EXPH5: variants seen among roughly 807,000 people sequenced by gnomAD.
The protein encoded by EXPH5 is exophilin 5.
In EXPH5, 42 loss-of-function variants were observed where a neutral mutation model predicts 41.1. The ratio of observed to expected loss-of-function variants is 1.02; its 90% CI spans 0.80 to 1.32. The LOEUF (loss-of-function observed/expected upper bound fraction) is 1.32. Ranked by LOEUF, EXPH5 falls within the 40% of genes most tolerant of loss-of-function variation. The pLI is 0.00. For synonymous variants in EXPH5, 798 were observed against 833.5 expected, an observed-to-expected ratio of 0.96 and a Z score of 0.73; for missense variants, 2,298 against 2,314.5, an observed-to-expected ratio of 0.99 and a Z score of 0.15.
At chr11:108,594,871 A>G (rs1228229625), upstream of EXPH5, among the ~76,000 whole-genome samples, 6 of 152,250 alleles carry the variant, frequency 3.9e-5, no homozygotes, top group Non-Finnish European at 7.3e-5. Context: ...GATCATCATT[A>G]TTTAAAACAT....
chr11:108,513,230 A>T lies in EXPH5; in HGVS notation c.2277T>A (p.Asn759Lys). Residue 759 changes from asparagine (N) to lysine (K), a missense_variant, in exon 6 of 6, where the codon AAT becomes AAA. Asn to Lys is a moderately conservative substitution (Grantham distance 94). Coordinates refer to ENST00000265843, the MANE Select transcript of EXPH5 (RefSeq NM_015065.3). ...TTTTTGAACTTATTATGGTAGATGC[A>T]TTAAAACCAAACCCGTTGCTCTTGG... is the stretch of plus-strand genomic sequence containing the variant. ...DSAKSNGFGFNASTIISSKKS... is the reference protein window; with the variant it reads ...DSAKSNGFGFKASTIISSKKS... 1 of 1,613,406 alleles carries T rather than the reference A, an allele frequency of 6.2e-7. No homozygotes were observed. Among genetic ancestry groups the T allele is most frequent in the Non-Finnish European group, 8.5e-7 (1 of 1,179,836 alleles).
chr11:108,590,111 G>A (rs908105940), intron 1 of EXPH5, among the ~76,000 whole-genome samples: 5 of 152,158 alleles, frequency 3.3e-5, no homozygotes, highest in Admixed American at 6.5e-5. Context: ...AGCGTAAGGC[G>A]TATCTTGATA....
At chr11:108,570,349 G>A (rs888774532) in intron 1 of EXPH5, among the ~76,000 whole-genome samples, 2 of 151,990 alleles carry the variant, frequency 1.3e-5, no homozygotes, top group Non-Finnish European at 2.9e-5. Context: ...CCGCCTCCTG[G>A]GTTCAAGCAA....
chr11:108,584,404 G>C (rs1225631845), intron 1 of EXPH5, among the ~76,000 whole-genome samples: 1 of 152,142 alleles, frequency 6.6e-6, no homozygotes, highest in East Asian at 1.9e-4. Flanking sequence ...TTTGAACCCA[G>C]GAGGTGGAGG....
chr11:108,564,879 A>C (rs1171732164), intron 1 of EXPH5, among the ~76,000 whole-genome samples: 5 of 129,376 alleles, frequency 3.9e-5, no homozygotes, highest in Admixed American at 2.3e-4. Flanking sequence ...AACATTATTT[A>C]TTATGTTTAT....
At position 108,513,596 on chromosome 11, in the gene EXPH5, G is replaced by A. The variant is rs779514830; in HGVS notation, c.1911C>T (p.Asp637=). 1.9e-5 allele frequency: 31 copies of A among 1,613,546 alleles called. No individual in the cohort carries two copies. Among genetic ancestry groups the A allele is most frequent in the Middle Eastern group, 3.3e-4 (2 of 6,080 alleles). Residue 637 remains aspartate, a synonymous_variant, in exon 6 of 6, where the codon GAC becomes GAT. Transcript: ENST00000265843. ...FKTSFSQISD[D]RRNPQSPNLQ... Reference sequence around the variant, plus strand: ...AGTTGGGACTCTGAGGATTCCTTCTGTCATCAGAAATCTGGGAAAAGGAAG... The same window carrying A: ...AGTTGGGACTCTGAGGATTCCTTCTATCATCAGAAATCTGGGAAAAGGAAG...
At chr11:108,543,116 T>A (rs1178609644) in intron 1 of EXPH5, among the ~76,000 whole-genome samples, 1 of 152,150 alleles carries the variant, frequency 6.6e-6, no homozygotes, top group Non-Finnish European at 1.5e-5. Context: ...AGGGATGGGG[T>A]AATTTGAGAC....
chr11:108,516,918 T>A (rs950252625), intron 5 of EXPH5, among the ~76,000 whole-genome samples: 6 of 152,190 alleles, frequency 3.9e-5, no homozygotes, highest in South Asian at 2.1e-4. Context: ...ACAAAACAAC[T>A]GCATAATGAA....
intron 3 of EXPH5, among the ~76,000 whole-genome samples, chr11:108,534,257 G>T (rs961033530): frequency 2.6e-5 from 4 of 152,226 alleles, no homozygotes; most frequent in African/African-American, 9.6e-5. Flanking sequence ...ATATGCCAAA[G>T]GGTAGTGTTT....
chr11:108,519,644 A>C (rs1270613276), intron 4 of EXPH5, among the ~76,000 whole-genome samples: 1 of 152,010 alleles, frequency 6.6e-6, no homozygotes, highest in African/African-American at 2.4e-5. Flanking sequence ...GCTACTCCAG[A>C]GGCTGGGCCA....
intron 1 of EXPH5, among the ~76,000 whole-genome samples, chr11:108,570,362 C>T (rs1366914701): frequency 1.3e-5 from 2 of 152,104 alleles, no homozygotes; most frequent in Admixed American, 6.5e-5. Context: ...TCAAGCAATT[C>T]TCCTGCCTTA....
In EXPH5 at chr11:108,511,627, C is replaced by T. The variant is rs767925092; in HGVS notation, c.3880G>A (p.Glu1294Lys). 18 of 1,610,050 alleles carry T rather than the reference C, an allele frequency of 1.1e-5. No homozygotes were observed. Among genetic ancestry groups the T allele is most frequent in the Non-Finnish European group, 1.4e-5 (17 of 1,179,086 alleles). ...GTAGAATAATTCTGTTTGTCTTTTT[C>T]TAAAGCGTTAGGAAATGTTTCAGTC... is the stretch of plus-strand genomic sequence containing the variant. ...VETETFPNAL[E>K]KDKQNYSTRE... The change falls in exon 6 of 6, where the codon GAA (glutamate) becomes AAA (lysine). Residue 1294 changes from glutamate (E) to lysine (K), a missense_variant. Coordinates refer to ENST00000265843, the MANE Select transcript of EXPH5 (RefSeq NM_015065.3).
intron 1 of EXPH5, among the ~76,000 whole-genome samples, chr11:108,578,141 T>C (rs183919429): frequency 6.6e-6 from 1 of 152,332 alleles, no homozygotes; most frequent in Non-Finnish European, 1.5e-5. Context: ...TTCTCCTACA[T>C]TTTCTTCTAG....
chr11:108,538,054 A>G, intron 3 of EXPH5: 1 of 985,434 alleles, frequency 1.0e-6, no homozygotes, highest in East Asian at 1.1e-4. Flanking sequence ...TCAGACAAAA[A>G]CAGCCTCGGG....
the EXPH5 span, among the ~76,000 whole-genome samples, chr11:108,607,012 ATC>A: frequency 1.3e-5 from 2 of 152,214 alleles, no homozygotes; most frequent in Non-Finnish European, 2.9e-5. Context: ...AGGTCTAAAA[ATC>A]TCTGTCTCAG....
In EXPH5 at chr11:108,514,119, C is replaced by G; in HGVS notation, c.1388G>C (p.Ser463Thr). ...QSNTFTRSFF[S>T]NTFGRSGEQR... is the part of the protein sequence containing the mutation. ...TTCTCCGCTTCGTCCAAAGGTATTG[C>G]TGAAGAAAGATCTGGTAAATGTGTT... The change falls in exon 6 of 6, where the codon AGC (serine) becomes ACC (threonine). Residue 463 changes from serine (S) to threonine (T), a missense_variant. By Grantham distance (58) the Ser-to-Thr change is moderately conservative. Transcript: ENST00000265843. 6.2e-7 allele frequency: 1 copy of G among 1,613,590 alleles called. No homozygotes were observed. Among genetic ancestry groups the G allele is most frequent in the Non-Finnish European group, 8.5e-7 (1 of 1,179,784 alleles).
intron 3 of EXPH5, among the ~76,000 whole-genome samples, chr11:108,536,146 C>CT (rs1454198662): frequency 6.6e-6 from 1 of 151,968 alleles, no homozygotes; most frequent in Non-Finnish European, 1.5e-5. Context: ...AAATATTTTT[C>CT]TTTTTTCCTG....
rs570764439 is a variant in EXPH5 at position 108,538,507 on chromosome 11, C to A, written c.443+517G>T. Among the ~76,000 whole-genome samples the A allele has an allele frequency of 3.3e-5, 5 of 152,238 alleles. No homozygotes were observed. In the South Asian group the frequency reaches 8.3e-4, roughly 25 times the overall value. ...ATTCTGAGCAAACACATGGGAACAG[C>A]CTTCAGTATTTCTAGTAACAGTAAT... On this transcript the variant is annotated intron_variant, in intron 3 of 5. Coordinates refer to ENST00000265843, the MANE Select transcript of EXPH5 (RefSeq NM_015065.3).
At chr11:108,589,768 G>A (rs181432466) in intron 1 of EXPH5, among the ~76,000 whole-genome samples, 301 of 152,314 alleles carry the variant, frequency 2.0e-3, no homozygotes, top group Middle Eastern at 3.4e-3. Context: ...GATGGGTAAA[G>A]TAGTTTTGAA....
Sources: gnomAD v4.1 joint callset for allele counts (sites outside exome capture counted in the v4.1 genomes callset) on GRCh38, gnomAD v4.1.1 for gene constraint, MANE v1.5 for transcripts, NCBI Gene and HGNC (gene_info 2026-07-23, HGNC 2026-07-21) for gene names.